DDX60: variants seen among roughly 807,000 people sequenced by gnomAD.
The protein encoded by DDX60 is probable ATP-dependent RNA helicase DDX60.
DDX60 carries 165 observed loss-of-function variants against 212.8 expected under a neutral mutation model. That is an observed-to-expected ratio of 0.78 (90% CI 0.68 to 0.88). The LOEUF (loss-of-function observed/expected upper bound fraction) is 0.88, where lower values mean the gene tolerates loss of function less well. DDX60 is among the 40% of genes least tolerant of loss of function. The pLI is 0.00. For synonymous variants in DDX60, 703 were observed against 685.3 expected, an observed-to-expected ratio of 1.03 and a Z score of -0.40; for missense variants, 1,905 against 2,003.9, an observed-to-expected ratio of 0.95 and a Z score of 0.94.
chr4:168,293,232 A>T (rs1367363114), intron 7 of DDX60, among the ~76,000 whole-genome samples: 2 of 152,182 alleles, frequency 1.3e-5, no homozygotes. Context: ...GAAAGTTAAA[A>T]ACTTTAGTAT....
chr4:168,288,229 A>AT lies in DDX60; in HGVS notation c.1127dup (p.Asn376LysfsTer2). 1 of 1,523,820 alleles carries AT rather than the reference A, an allele frequency of 6.6e-7. No individual in the cohort carries two copies. The allele number at this position is 1,523,820 out of a possible 1,614,324, so 94.4% of individuals were successfully genotyped here. ...CAATATTCTTCAACAAAAGCTCATCATTTAAGTCAGAAAGGTGAATTAAAT... is the reference window on the plus strand; with the variant it reads ...CAATATTCTTCAACAAAAGCTCATCATTTTAAGTCAGAAAGGTGAATTAAAT... On this transcript the variant is annotated frameshift_variant, in exon 9 of 38. Transcript: ENST00000393743. LOFTEE classifies it high-confidence loss of function.
At chr4:168,315,512 A>AC (rs1271971827) in intron 1 of DDX60, among the ~76,000 whole-genome samples, 2 of 152,158 alleles carry the variant, frequency 1.3e-5, no homozygotes, top group Non-Finnish European at 2.9e-5. Flanking sequence ...GCACCTATCA[A>AC]CCCGTCATCC....
chr4:168,254,444 C>G (rs950028706), intron 26 of DDX60, among the ~76,000 whole-genome samples: 1 of 152,098 alleles, frequency 6.6e-6, no homozygotes, highest in African/African-American at 2.4e-5. Flanking sequence ...TTCTAGTTTG[C>G]TCTAGAATTT....
At chr4:168,268,063 A>G (rs1475255922) in intron 20 of DDX60, 80 bp from the exon 21 acceptor site, 1 of 1,232,708 alleles carries the variant, frequency 8.1e-7, no homozygotes, top group African/African-American at 1.5e-5. Flanking sequence ...AGTAAAGACA[A>G]TTTCATCTTC....
At chr4:168,219,285 T>C (rs1732964296) in intron 37 of DDX60, among the ~76,000 whole-genome samples, 1 of 150,000 alleles carries the variant, frequency 6.7e-6, no homozygotes, top group Non-Finnish European at 1.5e-5. Flanking sequence ...AGCGTGACTC[T>C]CCGTCTCCAA....
chr4:168,308,792 AAT>A (rs774825797), intron 3 of DDX60, among the ~76,000 whole-genome samples: 3 of 150,460 alleles, frequency 2.0e-5, no homozygotes, highest in Admixed American at 6.6e-5. Context: ...ATATTCAATA[AAT>A]ATATTAGAAA....
At chr4:168,320,990 T>G (rs1373975114), upstream of DDX60, among the ~76,000 whole-genome samples, 3 of 152,238 alleles carry the variant, frequency 2.0e-5, no homozygotes, top group Non-Finnish European at 4.4e-5. Flanking sequence ...TTTTTTTGCT[T>G]AAATTATAAA....
chr4:168,302,023 T>C (rs570637506), intron 6 of DDX60, among the ~76,000 whole-genome samples: 4 of 152,352 alleles, frequency 2.6e-5, no homozygotes, highest in Admixed American at 2.0e-4. Context: ...AAAGTGTGAC[T>C]GACAACTGAA....
chr4:168,248,368 C>T, intron 28 of DDX60, 76 bp from the exon 29 acceptor site: 4 of 1,108,966 alleles, frequency 3.6e-6, no homozygotes, highest in Non-Finnish European at 2.5e-6. Context: ...CATAAAGTTG[C>T]TGAAAAACTC....
At chr4:168,306,890 A>G (rs1736908668) in intron 4 of DDX60, among the ~76,000 whole-genome samples, 170 bp from the exon 5 acceptor site, 1 of 152,226 alleles carries the variant, frequency 6.6e-6, no homozygotes, top group Non-Finnish European at 1.5e-5. Context: ...ATATTTGCTG[A>G]AAAAAATCAC....
intron 24 of DDX60, among the ~76,000 whole-genome samples, chr4:168,261,730 T>C (rs2149511836): frequency 6.6e-6 from 1 of 152,308 alleles, no homozygotes; most frequent in African/African-American, 2.4e-5. Flanking sequence ...ATCATCTCTA[T>C]GGATAGTGAA....
intron 30 of DDX60, among the ~76,000 whole-genome samples, chr4:168,240,449 T>C (rs1733799567): frequency 1.3e-5 from 2 of 152,148 alleles, no homozygotes; most frequent in Non-Finnish European, 2.9e-5. Context: ...AGTGACTTTC[T>C]ACACAGATTT....
intron 30 of DDX60, among the ~76,000 whole-genome samples, chr4:168,244,074 G>C (rs1028380961): frequency 6.6e-6 from 1 of 152,134 alleles, no homozygotes; most frequent in Non-Finnish European, 1.5e-5. Flanking sequence ...TGGACCCAGG[G>C]AGGGGAACAA....
intron 23 of DDX60, 23 bp from the exon 24 acceptor site, chr4:168,262,151 T>C (rs1411989204): frequency 1.9e-6 from 3 of 1,567,176 alleles, no homozygotes; most frequent in Non-Finnish European, 2.6e-6. Flanking sequence ...TATTACAAAA[T>C]TAGGCACAAT....
At chr4:168,300,718 G>T (rs1736613905) in intron 6 of DDX60, among the ~76,000 whole-genome samples, 1 of 152,004 alleles carries the variant, frequency 6.6e-6, no homozygotes, top group Admixed American at 6.6e-5. Context: ...ACTAACCAAT[G>T]ACTGTAACTG....
chr4:168,280,670 G>A, intron 13 of DDX60, 80 bp from the exon 14 acceptor site: 1 of 1,451,182 alleles, frequency 6.9e-7, no homozygotes, highest in Non-Finnish European at 9.2e-7. Context: ...ACAATATTAT[G>A]GGTGTATTGA....
At chr4:168,248,793 CTT>C (rs1734110962) in intron 28 of DDX60, among the ~76,000 whole-genome samples, 1 of 149,392 alleles carries the variant, frequency 6.7e-6, no homozygotes, top group Non-Finnish European at 1.5e-5. Flanking sequence ...GAGTTTCGCT[CTT>C]GTCGCCCAAG....
chr4:168,242,976 A>G (rs1159045895), intron 30 of DDX60, among the ~76,000 whole-genome samples: 1 of 152,176 alleles, frequency 6.6e-6, no homozygotes, highest in Non-Finnish European at 1.5e-5. Context: ...TGCTGTTCTC[A>G]TGATAACGAA....
intron 28 of DDX60, among the ~76,000 whole-genome samples, chr4:168,249,730 G>A (rs986101627): frequency 2.6e-5 from 4 of 152,046 alleles, no homozygotes; most frequent in Admixed American, 6.6e-5. Flanking sequence ...AATATTGTAC[G>A]TGGTTATTAG....
Sources: allele counts gnomAD v4.1 joint callset (sites outside exome capture counted in the v4.1 genomes callset), GRCh38; gene constraint gnomAD v4.1.1; transcripts MANE v1.5; gene names NCBI Gene and HGNC (gene_info 2026-07-23, HGNC 2026-07-21).